EML6: variants seen among roughly 807,000 people sequenced by gnomAD.
EML6 encodes EMAP like 6.
EML6 carries 154 observed loss-of-function variants against 240.1 expected under a neutral mutation model. The ratio of observed to expected loss-of-function variants is 0.64; its 90% CI spans 0.56 to 0.73. The LOEUF (loss-of-function observed/expected upper bound fraction) is 0.73. Among genes scored for constraint, EML6 ranks in the 30% least tolerant of loss-of-function variants. EML6 has a pLI of 0.00. For missense variants in EML6, 2,964 were observed against 2,474.6 expected (o/e 1.20, Z -4.20); for synonymous variants, 1,148 against 899.0 (o/e 1.28, Z -4.95).
chr2:54,896,936 G>A (rs867232993), intron 21 of EML6, among the ~76,000 whole-genome samples: 1 of 152,194 alleles, frequency 6.6e-6, no homozygotes, highest in Non-Finnish European at 1.5e-5. Context: ...AGCTGGTCGT[G>A]CCTTGCAGCC....
At chr2:54,896,055 AGAG>A (rs1480840406) in intron 21 of EML6, among the ~76,000 whole-genome samples, 1 of 152,210 alleles carries the variant, frequency 6.6e-6, no homozygotes, top group Non-Finnish European at 1.5e-5. Flanking sequence ...TGAAAACACA[AGAG>A]GAGTATGAGG....
At chr2:54,950,990 C>T (rs928780901) in intron 30 of EML6, among the ~76,000 whole-genome samples, 4 of 152,080 alleles carry the variant, frequency 2.6e-5, no homozygotes, top group African/African-American at 9.7e-5. Context: ...TTGACCTCAC[C>T]TCATCATAGG....
chr2:54,818,694 T>A (rs1197732806), intron 4 of EML6, among the ~76,000 whole-genome samples: 1 of 152,232 alleles, frequency 6.6e-6, no homozygotes, highest in Non-Finnish European at 1.5e-5. Flanking sequence ...GCATGTGCTA[T>A]TGCTGTGCTA....
At chr2:54,910,690 A>G (rs1668409788) in intron 24 of EML6, among the ~76,000 whole-genome samples, 1 of 148,070 alleles carries the variant, frequency 6.8e-6, no homozygotes, top group Admixed American at 6.8e-5. Context: ...TATCAATAAA[A>G]CATATCAAGC....
intron 29 of EML6, 49 bp downstream of exon 29, chr2:54,949,009 C>A (rs1044715424): frequency 1.5e-6 from 2 of 1,335,816 alleles, no homozygotes; most frequent in African/African-American, 1.5e-5. Flanking sequence ...CTAAGACATA[C>A]CTGGTAGACA....
In EML6 at chr2:54,853,663, A is replaced by C; in HGVS notation, c.1465A>C (p.Lys489Gln). 1 of 1,546,322 alleles carries C rather than the reference A, an allele frequency of 6.5e-7. No homozygotes were observed. The highest frequency in any genetic ancestry group is 8.7e-7 in the Non-Finnish European group (1 of 1,143,834). The change falls in exon 11 of 42, where the codon AAA becomes CAA. Residue 489 changes from lysine to glutamine, a missense_variant. Transcript: ENST00000356458. ...RMPSGKPLTS[K>Q]EEIKGIPWAS... Reference sequence around the variant, plus strand: ...TTCAGCTGGGAAGCCTTTAACAAGTAAAGAAGAAATTAAAGGGATTCCTTG... The same window carrying C: ...TTCAGCTGGGAAGCCTTTAACAAGTCAAGAAGAAATTAAAGGGATTCCTTG...
chr2:54,806,410 C>G (rs1018037784), intron 2 of EML6, among the ~76,000 whole-genome samples: 12 of 151,930 alleles, frequency 7.9e-5, no homozygotes, highest in African/African-American at 2.4e-4. Flanking sequence ...GTCAGATATT[C>G]GAGACCAGCC....
intron 7 of EML6, among the ~76,000 whole-genome samples, chr2:54,835,728 G>A (rs78751891): frequency 0.099 from 15,120 of 152,052 alleles, 1,011 homozygotes; most frequent in East Asian, 0.22. Flanking sequence ...TGGACATTTG[G>A]CAGTGTCTGG....
intron 2 of EML6, among the ~76,000 whole-genome samples, chr2:54,812,973 A>G (rs926150536): frequency 3.3e-5 from 5 of 152,246 alleles, no homozygotes; most frequent in African/African-American, 1.2e-4. Flanking sequence ...AAATTGAATA[A>G]TTACAATCAC....
At chr2:54,897,066 A>T (rs1269615887) in intron 21 of EML6, among the ~76,000 whole-genome samples, 3 of 152,030 alleles carry the variant, frequency 2.0e-5, no homozygotes, top group Non-Finnish European at 4.4e-5. Context: ...CATAACTTCT[A>T]ATTTAATTTT....
At chr2:54,925,531 C>G (rs941258787) in intron 26 of EML6, among the ~76,000 whole-genome samples, 1 of 152,184 alleles carries the variant, frequency 6.6e-6, no homozygotes, top group Non-Finnish European at 1.5e-5. Flanking sequence ...TATCTTGGCT[C>G]TTTTTCTCAT....
At chr2:54,898,213 C>G (rs1434132454) in intron 21 of EML6, among the ~76,000 whole-genome samples, 1 of 152,078 alleles carries the variant, frequency 6.6e-6, no homozygotes, top group Middle Eastern at 3.2e-3. Flanking sequence ...ATTCAAGGTC[C>G]TTCAAGCCTG....
In EML6 at chr2:54,891,053, G is replaced by C; in HGVS notation, c.2439-1G>C. 1 of 1,403,202 alleles carries C rather than the reference G, an allele frequency of 7.1e-7. No homozygotes were observed. Among genetic ancestry groups the C allele is most frequent in the Non-Finnish European group, 9.7e-7 (1 of 1,028,308 alleles). 86.9% of individuals were successfully genotyped at this position (1,403,202 alleles called of 1,614,324 possible). On this transcript the variant is annotated splice_acceptor_variant, in intron 17 of 41. Transcript: ENST00000356458. LOFTEE classifies it high-confidence loss of function. ...TCTTATTTCCTATTTGTCTCTTACA[G>C]AGGACATAAAGATAAGATATTTGTG... is the stretch of plus-strand genomic sequence containing the variant.
At chr2:54,960,772 C>T (rs1187631933) in intron 35 of EML6, among the ~76,000 whole-genome samples, 1 of 152,130 alleles carries the variant, frequency 6.6e-6, no homozygotes, top group Non-Finnish European at 1.5e-5. Context: ...TGACTCAAAG[C>T]CATTGGTTTC....
At chr2:54,911,509 A>G (rs908242475) in intron 25 of EML6, among the ~76,000 whole-genome samples, 21 of 150,986 alleles carry the variant, frequency 1.4e-4, no homozygotes, top group Non-Finnish European at 2.2e-4. Flanking sequence ...GGCTCACTGC[A>G]ACCTCCCCCT....
intron 2 of EML6, among the ~76,000 whole-genome samples, chr2:54,739,583 GCAGCACA>G (rs1400135782): frequency 6.6e-6 from 1 of 152,354 alleles, no homozygotes; most frequent in East Asian, 1.9e-4. Flanking sequence ...TGGGGACCCA[GCAGCACA>G]CAGCACACAG....
intron 7 of EML6, among the ~76,000 whole-genome samples, chr2:54,840,172 A>G (rs1232555371): frequency 6.6e-6 from 1 of 152,214 alleles, no homozygotes; most frequent in East Asian, 1.9e-4. Context: ...CTTGGGACAA[A>G]TTCAAGTCAT....
At chr2:54,902,423 A>AG (rs1673106691) in intron 22 of EML6, among the ~76,000 whole-genome samples, 2 of 152,144 alleles carry the variant, frequency 1.3e-5, no homozygotes, top group African/African-American at 4.8e-5. Flanking sequence ...TTCTTGAGAC[A>AG]GGGTCTCCCT....
intron 2 of EML6, among the ~76,000 whole-genome samples, chr2:54,799,919 T>C (rs1670028284): frequency 6.6e-6 from 1 of 152,202 alleles, no homozygotes; most frequent in Non-Finnish European, 1.5e-5. Context: ...TGTGAAAATG[T>C]CCAGCAAACT....
Sources: gnomAD v4.1 joint callset for allele counts (sites outside exome capture counted in the v4.1 genomes callset) on GRCh38, gnomAD v4.1.1 for gene constraint, MANE v1.5 for transcripts, NCBI Gene and HGNC (gene_info 2026-07-23, HGNC 2026-07-21) for gene names.